RBFOX1: variants seen among roughly 807,000 people sequenced by gnomAD.
RBFOX1 encodes RNA binding fox-1 homolog 1.
A neutral mutation model predicts 57.7 loss-of-function variants in RBFOX1; 8 were observed. That is an observed-to-expected ratio of 0.14 (90% CI 0.08 to 0.25). RBFOX1 has a LOEUF of 0.25. Among genes scored for constraint, RBFOX1 ranks in the 10% least tolerant of loss-of-function variants. The pLI is 1.00. For synonymous variants in RBFOX1, 326 were observed against 222.4 expected (o/e 1.47, Z -4.15); for missense variants, 611 against 548.5 (o/e 1.11, Z -1.14).
At chr16:6,476,119 A>G (rs1286921447) in intron 2 of RBFOX1, among the ~76,000 whole-genome samples, 5 of 152,192 alleles carry the variant, frequency 3.3e-5, no homozygotes, top group Admixed American at 2.6e-4. Context: ...CGACACTCAC[A>G]TGGCCAGGGA....
intron 1 of RBFOX1, among the ~76,000 whole-genome samples, chr16:6,269,033 A>G (rs76399821): frequency 0.019 from 2,940 of 152,270 alleles, 41 homozygotes; most frequent in South Asian, 0.039. Context: ...TATTTGTGTC[A>G]TCTGATATAC....
intron 4 of RBFOX1, among the ~76,000 whole-genome samples, chr16:7,174,097 T>A (rs191197795): frequency 9.9e-5 from 15 of 152,220 alleles, no homozygotes; most frequent in Admixed American, 9.2e-4. Context: ...GATTTGCCTT[T>A]CCTGGACAGG....
intron 4 of RBFOX1, among the ~76,000 whole-genome samples, chr16:7,320,236 C>G (rs550753202): frequency 1.4e-3 from 206 of 152,148 alleles, no homozygotes; most frequent in African/African-American, 4.6e-3. Context: ...CTTCCCCCAC[C>G]ACCCCCTACA....
At chr16:6,863,171 C>T (rs1179470222) in intron 3 of RBFOX1, among the ~76,000 whole-genome samples, 3 of 151,958 alleles carry the variant, frequency 2.0e-5, no homozygotes, top group Non-Finnish European at 2.9e-5. Flanking sequence ...GGTGAAAAAA[C>T]AGGAGGGCTT....
chr16:5,588,526 C>G (rs562878826), intron 2 of RBFOX1, among the ~76,000 whole-genome samples: 2 of 152,262 alleles, frequency 1.3e-5, no homozygotes, highest in East Asian at 3.9e-4. Flanking sequence ...AATCCAGGCA[C>G]TTCATCTTCA....
At chr16:5,656,300 C>T (rs2049428878) in intron 3 of RBFOX1, among the ~76,000 whole-genome samples, 2 of 152,178 alleles carry the variant, frequency 1.3e-5, no homozygotes, top group South Asian at 2.1e-4. Context: ...TCTCTCAGCA[C>T]TCAGTGCAGA....
intron 3 of RBFOX1, among the ~76,000 whole-genome samples, chr16:5,799,769 C>T (rs2054999272): frequency 6.6e-6 from 1 of 151,892 alleles, no homozygotes; most frequent in South Asian, 2.1e-4. Context: ...GGGATGTTAC[C>T]CCATTGTAAA....
intron 4 of RBFOX1, among the ~76,000 whole-genome samples, chr16:7,337,817 T>A (rs1436600066): frequency 6.6e-6 from 1 of 152,162 alleles, no homozygotes; most frequent in African/African-American, 2.4e-5. Flanking sequence ...CCCAAGTAAC[T>A]GGGATTACAG....
chr16:6,887,646 T>G (rs1273567126), intron 3 of RBFOX1, among the ~76,000 whole-genome samples: 1 of 148,952 alleles, frequency 6.7e-6, no homozygotes, highest in Non-Finnish European at 1.5e-5. Flanking sequence ...GTTTGGTTGT[T>G]TTTGCTGTCT....
intron 1 of RBFOX1, among the ~76,000 whole-genome samples, chr16:6,196,763 A>G (rs867626499): frequency 1.3e-5 from 2 of 151,310 alleles, no homozygotes; most frequent in South Asian, 2.1e-4. Context: ...GGGCTATGCA[A>G]TCCTTATATA....
At chr16:6,227,195 C>T (rs574886319) in intron 1 of RBFOX1, among the ~76,000 whole-genome samples, 1 of 152,068 alleles carries the variant, frequency 6.6e-6, no homozygotes, top group Non-Finnish European at 1.5e-5. Flanking sequence ...TAGCTGTCTA[C>T]CCTGGCCCTC....
chr16:7,446,798 ATTTTTTTTTTTT>A lies in RBFOX1; in HGVS notation c.28-71328_28-71317del, dbSNP rs34580591. ...TTCTCAAGCCAAGGTAGGTCTAGGT[ATTTTTTTTTTTT>A]TTTTTTTTTTTTTTTTTTTTGAGAC... On this transcript the variant is annotated intron_variant, in intron 4 of 15. Coordinates refer to ENST00000550418, the MANE Select transcript of RBFOX1 (RefSeq NM_018723.4). Among the ~76,000 whole-genome samples, 366 of 49,026 alleles carry A rather than the reference ATTTTTTTTTTTT, an allele frequency of 7.5e-3. 5 individuals are homozygous for A. The highest frequency in any genetic ancestry group is 0.028 in the African/African-American group (347 of 12,264). 32.2% of individuals were successfully genotyped at this position (49,026 alleles called of 152,430 possible). A position where few individuals can be genotyped will look rare whatever the true frequency, so the allele number is the denominator to read the frequency against.
chr16:7,469,459 C>T (rs1473848591), intron 4 of RBFOX1, among the ~76,000 whole-genome samples: 1 of 152,178 alleles, frequency 6.6e-6, no homozygotes, highest in Non-Finnish European at 1.5e-5. Context: ...AATGACCTTA[C>T]AATGGCACGC....
Position 6,284,571 on chromosome 16 carries a change from C to T in RBFOX1, c.-126-32424C>T, listed in dbSNP as rs539506395. Among the ~76,000 whole-genome samples the T allele has an allele frequency of 2.6e-5, 4 of 152,194 alleles. No homozygotes were observed. In the South Asian group the frequency reaches 8.3e-4, roughly 32 times the overall value. On this transcript the variant is annotated intron_variant, in intron 1 of 15. Coordinates refer to ENST00000550418, the MANE Select transcript of RBFOX1 (RefSeq NM_018723.4). ...TTGCCTGAGGAAGACGCCATAGCAA[C>T]AATATTTTATAGCTTTAAATACGGT... is the stretch of plus-strand genomic sequence containing the variant.
intron 4 of RBFOX1, among the ~76,000 whole-genome samples, chr16:5,999,908 G>A (rs9934221): frequency 0.26 from 8,583 of 32,850 alleles, 1,954 homozygotes; most frequent in Middle Eastern, 0.57. Flanking sequence ...AAAAAAAAAA[G>A]AGTGAAGAAG....
chr16:6,982,454 C>G (rs574206699), intron 3 of RBFOX1, among the ~76,000 whole-genome samples: 1 of 152,122 alleles, frequency 6.6e-6, no homozygotes, highest in African/African-American at 2.4e-5. Flanking sequence ...TTCATTGCAG[C>G]GAGCTCCTTC....
chr16:6,986,352 C>G (rs907001847), intron 3 of RBFOX1, among the ~76,000 whole-genome samples: 1 of 152,138 alleles, frequency 6.6e-6, no homozygotes. Context: ...GCGTCTGCCA[C>G]CATGTCTGGC....
At chr16:7,218,650 G>C (rs1332277616) in intron 4 of RBFOX1, among the ~76,000 whole-genome samples, 33 of 149,342 alleles carry the variant, frequency 2.2e-4, no homozygotes, top group African/African-American at 5.1e-4. Flanking sequence ...GTGTGTGTGT[G>C]TGTGTGTGTG....
chr16:6,265,059 G>A lies in RBFOX1; in HGVS notation c.-126-51936G>A, dbSNP rs1312560156. Among the ~76,000 whole-genome samples, 4 of 152,022 alleles carry A rather than the reference G, an allele frequency of 2.6e-5. No homozygotes were observed. In the East Asian group the frequency reaches 7.7e-4, roughly 29 times the overall value. On this transcript the variant is annotated intron_variant, in intron 1 of 15. Transcript: ENST00000550418. Reference sequence around the variant, plus strand: ...TGGGTGGGGCTGATGGTTCAAAGATGTACTTCATTCCATTTCCTTTTTCCC... The same window carrying A: ...TGGGTGGGGCTGATGGTTCAAAGATATACTTCATTCCATTTCCTTTTTCCC...
Sources: allele counts gnomAD v4.1 joint callset (sites outside exome capture counted in the v4.1 genomes callset), GRCh38; gene constraint gnomAD v4.1.1; transcripts MANE v1.5; gene names NCBI Gene and HGNC (gene_info 2026-07-23, HGNC 2026-07-21).